Variants in ZHX2 observed in about 807,000 individuals in gnomAD.
ZHX2 encodes the protein zinc fingers and homeoboxes protein 2.
ZHX2 carries 6 observed loss-of-function variants against 21.9 expected under a neutral mutation model. The ratio of observed to expected loss-of-function variants is 0.27; its 90% confidence interval spans 0.15 to 0.54. ZHX2 has a LOEUF of 0.54. ZHX2 is among the 20% of genes least tolerant of loss of function. The probability of loss-of-function intolerance (pLI) is 0.95; values close to 1 mark genes in which losing one functional copy is unlikely to be tolerated. For missense variants in ZHX2, 908 were observed against 1,090.7 expected, an observed-to-expected ratio of 0.83 and a Z score of 2.36; for synonymous variants, 434 against 437.1, an observed-to-expected ratio of 0.99 and a Z score of 0.09.
In ZHX2 at chr8:122,935,530, G is replaced by C. The variant is rs188845655; in HGVS notation, c.-219-15762G>C. Among the ~76,000 whole-genome samples, 231 of 138,648 alleles carry C rather than the reference G, an allele frequency of 1.7e-3. 1 individual carries two copies. Among genetic ancestry groups the C allele is most frequent in the Non-Finnish European group, 2.7e-3 (177 of 65,248 alleles). The allele number at this position is 138,648 out of a possible 152,430, so 91.0% of individuals were successfully genotyped here. On this transcript the variant is annotated intron_variant, in intron 2 of 3. Transcript: ENST00000314393. ...AGGCTTTCCCTGATTATACCATTGA[G>C]AGTAACTTTTTTTTTTTTTTTTTGA...
chr8:122,888,158 G>A (rs930328002), intron 2 of ZHX2, among the ~76,000 whole-genome samples: 6 of 152,104 alleles, frequency 3.9e-5, no homozygotes, highest in Admixed American at 1.3e-4. Flanking sequence ...CAAGCAACTC[G>A]GGATCCACAG....
At chr8:122,886,124 A>G (rs894877238) in intron 2 of ZHX2, among the ~76,000 whole-genome samples, 5 of 152,270 alleles carry the variant, frequency 3.3e-5, no homozygotes, top group African/African-American at 1.2e-4. Context: ...TGATACATCC[A>G]TCCAGTGGGG....
intron 2 of ZHX2, among the ~76,000 whole-genome samples, chr8:122,938,434 C>T (rs927137323): frequency 4.6e-5 from 7 of 151,970 alleles, no homozygotes; most frequent in South Asian, 2.1e-4. Context: ...TCTGCAAGGA[C>T]GAGCTCAGAT....
rs185234073 is a variant in ZHX2 at position 122,937,721 on chromosome 8, G to A, written c.-219-13571G>A. 3.4e-4 allele frequency among the ~76,000 whole-genome samples: 51 copies of A among 148,414 alleles called. No homozygotes were observed. The South Asian group carries it at 3.6e-3, about 11-fold the overall frequency. ...CAGCCTCCTGAGTAGCTGGGATTACGGTGCCCACTACCACACCTGGCTAAT... is the reference window on the plus strand; with the variant it reads ...CAGCCTCCTGAGTAGCTGGGATTACAGTGCCCACTACCACACCTGGCTAAT... On this transcript the variant is annotated intron_variant, in intron 2 of 3. Coordinates refer to ENST00000314393, the MANE Select transcript of ZHX2 (RefSeq NM_014943.5).
intron 1 of ZHX2, among the ~76,000 whole-genome samples, chr8:122,853,500 G>T (rs1474673003): frequency 6.6e-6 from 1 of 152,148 alleles, no homozygotes; most frequent in Non-Finnish European, 1.5e-5. Context: ...GTAAGACAAT[G>T]TCCAAATTCC....
intron 1 of ZHX2, among the ~76,000 whole-genome samples, chr8:122,824,928 C>G (rs1302426127): frequency 1.3e-5 from 2 of 152,206 alleles, no homozygotes; most frequent in Non-Finnish European, 1.5e-5. Context: ...CCCCGTCCAT[C>G]TTCAAAGCCA....
intron 3 of ZHX2, among the ~76,000 whole-genome samples, chr8:122,968,002 G>A (rs929779286): frequency 6.6e-6 from 1 of 152,044 alleles, no homozygotes; most frequent in Admixed American, 6.6e-5. Context: ...TCCTTGGGCA[G>A]GGCTTCATGT....
At chr8:122,963,587 C>T (rs1031000931) in intron 3 of ZHX2, among the ~76,000 whole-genome samples, 3 of 151,972 alleles carry the variant, frequency 2.0e-5, no homozygotes, top group Non-Finnish European at 4.4e-5. Context: ...TTTGCTTAGT[C>T]TTGCTTTTGG....
At chr8:122,806,315 G>T (rs984899414) in intron 1 of ZHX2, among the ~76,000 whole-genome samples, 3 of 152,154 alleles carry the variant, frequency 2.0e-5, no homozygotes, top group African/African-American at 7.2e-5. Flanking sequence ...CTTTACAGGG[G>T]CATTTGTGGA....
intron 3 of ZHX2, among the ~76,000 whole-genome samples, chr8:122,959,883 T>C (rs952525416): frequency 1.3e-5 from 2 of 152,214 alleles, no homozygotes; most frequent in African/African-American, 4.8e-5. Flanking sequence ...CACTGTGCTT[T>C]GGGTGACTTG....
intron 2 of ZHX2, among the ~76,000 whole-genome samples, chr8:122,878,665 T>C (rs1194621823): frequency 6.6e-6 from 1 of 152,014 alleles, no homozygotes; most frequent in Non-Finnish European, 1.5e-5. Flanking sequence ...AGAGTCCCTG[T>C]AGGAGGTGCA....
chr8:122,864,720 G>A (rs931226865), intron 2 of ZHX2, among the ~76,000 whole-genome samples: 3 of 152,138 alleles, frequency 2.0e-5, no homozygotes, highest in South Asian at 2.1e-4. Context: ...ACCTGGAATC[G>A]TGGGCTCTTG....
At chr8:122,791,782 T>G (rs1817523143) in intron 1 of ZHX2, among the ~76,000 whole-genome samples, 1 of 151,848 alleles carries the variant, frequency 6.6e-6, no homozygotes, top group South Asian at 2.1e-4. Flanking sequence ...GGAGAATTGC[T>G]TGAACCTGGG....
intron 1 of ZHX2, among the ~76,000 whole-genome samples, chr8:122,823,046 G>A (rs1818189400): frequency 6.6e-6 from 1 of 152,228 alleles, no homozygotes; most frequent in African/African-American, 2.4e-5. Flanking sequence ...GCTCCTTGGG[G>A]AGAATGTTAG....
chr8:122,971,609 TA>T (rs1309031858), intron 3 of ZHX2, among the ~76,000 whole-genome samples: 3 of 7,044 alleles, frequency 4.3e-4, no homozygotes. Context: ...TTGGCCCCTG[TA>T]CAAAAAAAAA....
At chr8:122,789,705 C>T (rs561818935) in intron 1 of ZHX2, among the ~76,000 whole-genome samples, 12 of 152,282 alleles carry the variant, frequency 7.9e-5, no homozygotes, top group Admixed American at 7.8e-4. Flanking sequence ...AAGAGACTGC[C>T]CTCTGGCCAA....
chr8:122,930,576 C>T (rs9886569), intron 2 of ZHX2, among the ~76,000 whole-genome samples: 7 of 141,612 alleles, frequency 4.9e-5, no homozygotes, highest in East Asian at 2.0e-4. Context: ...TTTTTTGAGA[C>T]GGAGTCTTGC....
chr8:122,923,429 A>C (rs1820782768), intron 2 of ZHX2, among the ~76,000 whole-genome samples: 2 of 152,226 alleles, frequency 1.3e-5, no homozygotes, highest in African/African-American at 4.8e-5. Context: ...TGGAAACTGC[A>C]TGTCCTCTTA....
intron 2 of ZHX2, among the ~76,000 whole-genome samples, chr8:122,922,289 GA>G (rs1241569140): frequency 6.9e-6 from 1 of 145,272 alleles, no homozygotes; most frequent in Admixed American, 6.9e-5. Context: ...AAAAAAAAAA[GA>G]AAAGGAAAAA....
Sources: gnomAD v4.1 joint callset for allele counts (sites outside exome capture counted in the v4.1 genomes callset) on GRCh38, gnomAD v4.1.1 for gene constraint, MANE v1.5 for transcripts, NCBI Gene and HGNC (gene_info 2026-07-23, HGNC 2026-07-21) for gene names.